PRELID2: variants seen among roughly 807,000 people sequenced by gnomAD.
PRELID2 encodes PRELI domain containing 2.
In PRELID2, 25 loss-of-function variants were observed where a neutral mutation model predicts 28.4. The observed-to-expected ratio is 0.88, with a 90% confidence interval of 0.64 to 1.23. The LOEUF is 1.23. Among genes scored for constraint, PRELID2 ranks in the 50% most tolerant of loss-of-function variants. The pLI is 0.00. For synonymous variants in PRELID2, 76 were observed against 71.6 expected, an observed-to-expected ratio of 1.06 and a Z score of -0.31; for missense variants, 201 against 214.4, an observed-to-expected ratio of 0.94 and a Z score of 0.39.
the PRELID2 span, among the ~76,000 whole-genome samples, chr5:145,234,478 T>G: frequency 6.6e-6 from 1 of 152,022 alleles, no homozygotes; most frequent in Non-Finnish European, 1.5e-5. Context: ...CACACTAGAG[T>G]ACTTCCTTAT....
intron 1 of PRELID2, among the ~76,000 whole-genome samples, chr5:145,705,973 C>T (rs1169331932): frequency 5.3e-5 from 8 of 151,710 alleles, no homozygotes; most frequent in Non-Finnish European, 1.0e-4. Context: ...CACACACACT[C>T]CCCACAAATT....
chr5:145,667,574 T>G (rs894813982), intron 1 of PRELID2, among the ~76,000 whole-genome samples: 3 of 152,100 alleles, frequency 2.0e-5, no homozygotes, highest in Admixed American at 6.6e-5. Context: ...ACACAGGCAG[T>G]TGATACTGTA....
chr5:145,289,422 A>G, the PRELID2 span, among the ~76,000 whole-genome samples: 1 of 152,152 alleles, frequency 6.6e-6, no homozygotes, highest in African/African-American at 2.4e-5. Context: ...ATCTTTGCAT[A>G]ACTTGATAAC....
chr5:145,712,484 A>C (rs2149710896), intron 1 of PRELID2, among the ~76,000 whole-genome samples: 1 of 152,352 alleles, frequency 6.6e-6, no homozygotes, highest in Non-Finnish European at 1.5e-5. Context: ...TCCAGGTGTT[A>C]AACATCAACT....
chr5:145,803,785 G>GA (rs1424142337), intron 4 of PRELID2, among the ~76,000 whole-genome samples: 1 of 148,032 alleles, frequency 6.8e-6, no homozygotes, highest in Non-Finnish European at 1.5e-5. Context: ...TAACCACTGT[G>GA]AAAATCCAGC....
At chr5:145,619,666 TC>T (rs1429234776) in intron 1 of PRELID2, among the ~76,000 whole-genome samples, 1 of 152,064 alleles carries the variant, frequency 6.6e-6, no homozygotes, top group African/African-American at 2.4e-5. Context: ...GATGTGAGCC[TC>T]CCCCTGCTGC....
At chr5:145,247,035 GATA>G in the PRELID2 span, among the ~76,000 whole-genome samples, 1 of 152,156 alleles carries the variant, frequency 6.6e-6, no homozygotes, top group Non-Finnish European at 1.5e-5. Context: ...TGCTCCTGTG[GATA>G]ATATCACTAT....
At chr5:145,268,829 G>A in the PRELID2 span, among the ~76,000 whole-genome samples, 1 of 151,926 alleles carries the variant, frequency 6.6e-6, no homozygotes, top group South Asian at 2.1e-4. Context: ...AGGTCAATGA[G>A]TAAATTGAAG....
chr5:145,451,516 C>T, the PRELID2 span, among the ~76,000 whole-genome samples: 1 of 152,162 alleles, frequency 6.6e-6, no homozygotes, highest in African/African-American at 2.4e-5. Flanking sequence ...TAGACAACTT[C>T]AGGGCAGAGA....
intron 5 of PRELID2, among the ~76,000 whole-genome samples, chr5:145,790,721 G>GTGTGTATATATA (rs772901344): frequency 1.8e-4 from 20 of 110,902 alleles, no homozygotes; most frequent in African/African-American, 6.1e-4. Flanking sequence ...GTGTGTGTGT[G>GTGTGTATATATA]TATATATATA....
chr5:145,829,467 C>T (rs374827121), intron 1 of PRELID2, among the ~76,000 whole-genome samples: 1 of 152,138 alleles, frequency 6.6e-6, no homozygotes, highest in Non-Finnish European at 1.5e-5. Context: ...TTTAAAGGAG[C>T]CTGCTGTGTG....
the PRELID2 span, among the ~76,000 whole-genome samples, chr5:145,435,078 C>T: frequency 6.6e-6 from 1 of 152,212 alleles, no homozygotes; most frequent in Admixed American, 6.5e-5. Flanking sequence ...CTAAGCACTG[C>T]TGTAGCAGCT....
chr5:145,284,519 T>C, the PRELID2 span, among the ~76,000 whole-genome samples: 2 of 152,150 alleles, frequency 1.3e-5, no homozygotes, highest in Non-Finnish European at 2.9e-5. Context: ...TTTCTATTAT[T>C]TTATTTAAAG....
chr5:145,814,805 A>G (rs1322011105), intron 4 of PRELID2, among the ~76,000 whole-genome samples: 2 of 152,184 alleles, frequency 1.3e-5, no homozygotes, highest in Non-Finnish European at 2.9e-5. Context: ...CTTGTTTTTA[A>G]ATGTATCTCA....
intron 1 of PRELID2, among the ~76,000 whole-genome samples, chr5:145,682,786 T>C (rs1754962666): frequency 6.6e-6 from 1 of 152,168 alleles, no homozygotes; most frequent in Non-Finnish European, 1.5e-5. Flanking sequence ...GCGGTTCCTG[T>C]TACTTGCCAA....
the PRELID2 span, among the ~76,000 whole-genome samples, chr5:145,253,802 A>G: frequency 6.6e-6 from 1 of 152,006 alleles, no homozygotes; most frequent in Non-Finnish European, 1.5e-5. Context: ...TAAAGTGGTA[A>G]AGTATAGTTG....
rs150541742 is a variant in PRELID2, at chr5:145,495,802, T to G, written n.71-22487A>C. Among the ~76,000 whole-genome samples the G allele has an allele frequency of 4.6e-3, 698 of 152,350 alleles. 2 individuals are homozygous for G. Among genetic ancestry groups the G allele is most frequent in the Middle Eastern group, 0.024 (7 of 294 alleles). On this transcript the variant is annotated intron_variant and non_coding_transcript_variant, in intron 1 of 2. Transcript: ENST00000510259. Reference sequence around the variant, plus strand: ...TTGCTGGGATGGTAGGTTAGTTATCTCTTTTAAGGTAGTACGTGTTCTTTA... The same window carrying G: ...TTGCTGGGATGGTAGGTTAGTTATCGCTTTTAAGGTAGTACGTGTTCTTTA...
Position 145,596,457 on chromosome 5 carries a change from T to C in PRELID2, n.71-123142A>G, listed in dbSNP as rs74520860. ...ACTAGACGAAAAATCAGCCAAAACA[T>C]TGGGTGATTCTTGTTCTTGTTTCAA... On this transcript the variant is annotated intron_variant and non_coding_transcript_variant, in intron 1 of 2. Transcript: ENST00000510259. 5.9e-3 allele frequency among the ~76,000 whole-genome samples: 901 copies of C among 151,992 alleles called. 12 individuals are homozygous for C. Among genetic ancestry groups the C allele is most frequent in the African/African-American group, 0.02 (833 of 41,420 alleles).
rs772981766 is a variant in PRELID2 at position 145,796,516 on chromosome 5, T to C, written c.400A>G (p.Ile134Val). The change falls in exon 5 of 7, where the codon ATC becomes GTC. Residue 134 changes from isoleucine to valine, a missense_variant. By Grantham distance (29) the Ile-to-Val change is conservative. Coordinates refer to ENST00000683046, the MANE Select transcript of PRELID2 (RefSeq NM_205846.3). ...CAGTTGAGAAATCCAACCCCTGTGA[T>C]TGAAATCCTGCCTCTTTGAATGAAC... Reference protein sequence around the residue: ...TEFIQRGRISITGVGFLNCVL... With the variant: ...TEFIQRGRISVTGVGFLNCVL... The C allele has an allele frequency of 3.1e-6, 5 of 1,608,856 alleles. No homozygotes were observed. In the East Asian group the frequency reaches 6.7e-5, roughly 22 times the overall value.
Sources: gnomAD v4.1 joint callset for allele counts (sites outside exome capture counted in the v4.1 genomes callset) on GRCh38, gnomAD v4.1.1 for gene constraint, MANE v1.5 for transcripts, NCBI Gene and HGNC (gene_info 2026-07-23, HGNC 2026-07-21) for gene names.